SLC31A2: variants seen among roughly 807,000 people sequenced by gnomAD.
SLC31A2 encodes solute carrier family 31 member 2, also known as protein SLC31A2.
A neutral mutation model predicts 14.4 loss-of-function variants in SLC31A2; 16 were observed. That is an observed-to-expected ratio of 1.11 (90% CI 0.75 to 1.69). The LOEUF is 1.69. Among genes scored for constraint, SLC31A2 ranks in the 40% most tolerant of loss-of-function variants. The probability of loss-of-function intolerance (pLI) is 0.00; values close to 1 mark genes in which losing one functional copy is unlikely to be tolerated. For synonymous variants in SLC31A2, 56 were observed against 68.7 expected, an observed-to-expected ratio of 0.82 and a Z score of 0.91; for missense variants, 140 against 173.9, an observed-to-expected ratio of 0.81 and a Z score of 1.10.
In SLC31A2 at chr9:113,151,015, T is replaced by G; in HGVS notation, c.-60T>G. 1.5e-6 allele frequency: 2 copies of G among 1,292,118 alleles called. No individual in the cohort carries two copies. The highest frequency in any genetic ancestry group is 6.0e-5 in the East Asian group (2 of 33,330). 80.0% of individuals were successfully genotyped at this position (1,292,118 alleles called of 1,614,324 possible). A position where few individuals can be genotyped will look rare whatever the true frequency, so the allele number is the denominator to read the frequency against. On this transcript the variant is annotated 5_prime_UTR_variant, in exon 1 of 4. Coordinates refer to ENST00000259392, the MANE Select transcript of SLC31A2 (RefSeq NM_001860.3). This position sits in a 1 kb window ranked among gnomAD's most constrained non-coding sequence, Gnocchi z 4.2. ...CGGCGGCGGCGGCGGTTGAACTGAC[T>G]CGGAGCGAGGAGACCCGAGCGAGCA...
chr9:113,162,955 A>T lies in SLC31A2; in HGVS notation c.*38A>T, dbSNP rs1348436700. On this transcript the variant is annotated 3_prime_UTR_variant, in exon 4 of 4. Coordinates refer to ENST00000259392, the MANE Select transcript of SLC31A2 (RefSeq NM_001860.3). ...GTGCAGGCACTGAGGCTGGAGGGACATGGAGCCCCCTCTTCCAGACACTAT... is the reference window on the plus strand; with the variant it reads ...GTGCAGGCACTGAGGCTGGAGGGACTTGGAGCCCCCTCTTCCAGACACTAT... The T allele has an allele frequency of 1.3e-6, 2 of 1,538,544 alleles. No homozygotes were observed. Among genetic ancestry groups the T allele is most frequent in the Non-Finnish European group, 1.8e-6 (2 of 1,139,620 alleles).
chr9:113,156,154 C>G, intron 1 of SLC31A2: 1 of 517,832 alleles, frequency 1.9e-6, no homozygotes. Context: ...ACGTTTGCCT[C>G]CACCGGAACT....
At chr9:113,157,452 C>T (rs1326158118) in intron 1 of SLC31A2, among the ~76,000 whole-genome samples, 1 of 152,186 alleles carries the variant, frequency 6.6e-6, no homozygotes, top group Non-Finnish European at 1.5e-5. Flanking sequence ...AGGACACTGT[C>T]ACATCCCGAG....
rs952162892 is a variant in SLC31A2 at position 113,163,961 on chromosome 9, A to G, written c.*1044A>G. The stretch of plus-strand genomic sequence containing the variant: ...GATGCAATCCAACCAAAGCCATTAC[A>G]TTTTTTGAGTTAGATGGGACTCTCT... On this transcript the variant is annotated 3_prime_UTR_variant, in exon 4 of 4. Coordinates refer to ENST00000259392, the MANE Select transcript of SLC31A2 (RefSeq NM_001860.3). 1.3e-5 allele frequency: 2 copies of G among 152,578 alleles called. No individual in the cohort carries two copies. The highest frequency in any genetic ancestry group is 1.3e-4 in the Admixed American group (2 of 15,266). The allele number at this position is 152,578 out of a possible 1,614,324, so 9.5% of individuals were successfully genotyped here. A position where few individuals can be genotyped will look rare whatever the true frequency, so the allele number is the denominator to read the frequency against.
rs184586635 is a variant in SLC31A2 at position 113,162,202 on chromosome 9, G to A, written c.263+504G>A. 186 of 278,890 alleles carry A rather than the reference G, an allele frequency of 6.7e-4. 1 individual carries two copies. Among genetic ancestry groups the A allele is most frequent in the African/African-American group, 4.0e-3 (175 of 43,232 alleles). The allele number at this position is 278,890 out of a possible 1,614,324, so 17.3% of individuals were successfully genotyped here. A position where few individuals can be genotyped will look rare whatever the true frequency, so the allele number is the denominator to read the frequency against. ...TCACCTGTGCTTAATAAGCCTGCCC[G>A]CTCCATCACTAGCCACCCTACATGG... On this transcript the variant is annotated intron_variant, in intron 3 of 3. Coordinates refer to ENST00000259392, the MANE Select transcript of SLC31A2 (RefSeq NM_001860.3).
Position 113,163,194 on chromosome 9 carries a change from G to A in SLC31A2, c.*277G>A, listed in dbSNP as rs1830045762. On this transcript the variant is annotated 3_prime_UTR_variant, in exon 4 of 4. Coordinates refer to ENST00000259392, the MANE Select transcript of SLC31A2 (RefSeq NM_001860.3). ...GAATGGAGATAACAGGGGTGGCAGG[G>A]TTACTGAGCCCATGACAATGCTTCT... The A allele has an allele frequency of 3.7e-6, 1 of 268,300 alleles. No homozygotes were observed. The highest frequency in any genetic ancestry group is 2.2e-5 in the African/African-American group (1 of 45,238). 16.6% of individuals were successfully genotyped at this position (268,300 alleles called of 1,614,324 possible).
At chr9:113,162,011 T>G in intron 3 of SLC31A2, 1 of 441,150 alleles carries the variant, frequency 2.3e-6, no homozygotes, top group Non-Finnish European at 4.2e-6. Flanking sequence ...ATCTCACCAG[T>G]TCCATGGGTC....
chr9:113,160,228 T>C (rs1407049942), intron 2 of SLC31A2, among the ~76,000 whole-genome samples: 1 of 151,016 alleles, frequency 6.6e-6, no homozygotes, highest in Admixed American at 6.6e-5. Flanking sequence ...TGAATAGCTG[T>C]GTGGAAAAGA....
At chr9:113,157,384 G>C (rs1445440272) in intron 1 of SLC31A2, among the ~76,000 whole-genome samples, 1 of 152,182 alleles carries the variant, frequency 6.6e-6, no homozygotes, top group East Asian at 1.9e-4. Flanking sequence ...GGTCCCGGGG[G>C]GGTAAGAAGA....
At chr9:113,155,014 TC>T (rs1395181721) in intron 1 of SLC31A2, among the ~76,000 whole-genome samples, 1 of 152,248 alleles carries the variant, frequency 6.6e-6, no homozygotes, top group African/African-American at 2.4e-5. Flanking sequence ...CATATTTTGT[TC>T]CAAAGTGGCC....
At chr9:113,162,312 TAA>T in intron 3 of SLC31A2, 1 of 226,682 alleles carries the variant, frequency 4.4e-6, no homozygotes, top group Non-Finnish European at 8.7e-6. Context: ...TCAGAGAGGT[TAA>T]GACATTTGTC....
chr9:113,156,392 A>G (rs995399174), intron 1 of SLC31A2, among the ~76,000 whole-genome samples: 3 of 152,216 alleles, frequency 2.0e-5, no homozygotes, highest in Non-Finnish European at 4.4e-5. Flanking sequence ...ATCAGAGCTC[A>G]TATTTCTCTC....
intron 2 of SLC31A2, among the ~76,000 whole-genome samples, chr9:113,158,319 A>G (rs1193189496): frequency 6.6e-6 from 1 of 152,246 alleles, no homozygotes. Context: ...TGCATCTTAA[A>G]AAGAGACTGG....
At chr9:113,157,608 C>T in intron 1 of SLC31A2, 119 bp from the exon 2 acceptor site, 1 of 783,092 alleles carries the variant, frequency 1.3e-6, no homozygotes, top group Non-Finnish European at 2.1e-6. Flanking sequence ...TCTGATGGCC[C>T]TTCCAGCACT....
chr9:113,161,881 C>T (rs751183654), intron 3 of SLC31A2, 183 bp downstream of exon 3: 1 of 712,102 alleles, frequency 1.4e-6, no homozygotes, highest in South Asian at 1.5e-5. Flanking sequence ...GATGCCCAGG[C>T]CAAAGCACTC....
chr9:113,158,236 G>T, intron 2 of SLC31A2: 4 of 336,736 alleles, frequency 1.2e-5, no homozygotes, highest in South Asian at 2.3e-5. Flanking sequence ...TGAAAGGAAA[G>T]AATATTCCTT....
intron 2 of SLC31A2, among the ~76,000 whole-genome samples, chr9:113,158,393 G>A (rs879901187): frequency 2.0e-5 from 3 of 152,140 alleles, no homozygotes; most frequent in Non-Finnish European, 4.4e-5. Flanking sequence ...CCCTACAATG[G>A]GTTACTATTT....
At chr9:113,156,794 C>G (rs1829939531) in intron 1 of SLC31A2, among the ~76,000 whole-genome samples, 1 of 152,200 alleles carries the variant, frequency 6.6e-6, no homozygotes, top group Non-Finnish European at 1.5e-5. Context: ...ATCCAGCTCC[C>G]ACTGTACCCT....
At chr9:113,152,955 G>A (rs1829886812) in intron 1 of SLC31A2, among the ~76,000 whole-genome samples, 1 of 152,186 alleles carries the variant, frequency 6.6e-6, no homozygotes, top group Admixed American at 6.5e-5. Flanking sequence ...TGGACTCAGA[G>A]AAGGGGTGAT....
Sources: gnomAD v4.1 joint callset for allele counts (sites outside exome capture counted in the v4.1 genomes callset) on GRCh38, gnomAD v4.1.1 for gene constraint, Gnocchi (gnomAD v3.1) non-coding constraint, MANE v1.5 for transcripts, NCBI Gene and HGNC (gene_info 2026-07-23, HGNC 2026-07-21) for gene names.